The following MAGI2 variants were observed in gnomAD, a reference collection of about 807,000 sequenced individuals.
MAGI2 encodes the protein membrane-associated guanylate kinase, WW and PDZ domain-containing protein 2.
In MAGI2, 35 loss-of-function variants were observed where a neutral mutation model predicts 133.3. The ratio of observed to expected loss-of-function variants is 0.26; its 90% CI spans 0.20 to 0.35. The LOEUF (loss-of-function observed/expected upper bound fraction) is 0.35. MAGI2 is among the 10% of genes least tolerant of loss of function. The pLI is 1.00. For synonymous variants in MAGI2, 729 were observed against 710.6 expected (o/e 1.03, Z -0.41); for missense variants, 1,636 against 1,863.4 (o/e 0.88, Z 2.25).
At chr7:78,813,659 G>A (rs1395432967) in intron 2 of MAGI2, among the ~76,000 whole-genome samples, 2 of 151,926 alleles carry the variant, frequency 1.3e-5, no homozygotes, top group African/African-American at 4.8e-5. Flanking sequence ...GGTGGCGGGC[G>A]CCTGTGGTCC....
At chr7:78,807,995 A>G (rs901326780) in intron 2 of MAGI2, among the ~76,000 whole-genome samples, 1 of 152,104 alleles carries the variant, frequency 6.6e-6, no homozygotes, top group Non-Finnish European at 1.5e-5. Context: ...GCTACTGACT[A>G]TTGTGGTTTA....
chr7:78,538,108 A>G (rs762681047), intron 3 of MAGI2, among the ~76,000 whole-genome samples: 1 of 151,862 alleles, frequency 6.6e-6, no homozygotes, highest in Non-Finnish European at 1.5e-5. Flanking sequence ...GTATGTTTTC[A>G]TTTGCTTTGT....
At chr7:79,315,244 C>T (rs993371523) in intron 1 of MAGI2, among the ~76,000 whole-genome samples, 14 of 150,628 alleles carry the variant, frequency 9.3e-5, no homozygotes, top group African/African-American at 3.4e-4. Context: ...CTGCAACCTA[C>T]ACCTCTTGGG....
At chr7:78,532,776 C>G (rs1333904557) in intron 3 of MAGI2, among the ~76,000 whole-genome samples, 2 of 152,122 alleles carry the variant, frequency 1.3e-5, no homozygotes, top group African/African-American at 4.8e-5. Flanking sequence ...TTTTCTTTAG[C>G]CTTTTGGCAT....
intron 1 of MAGI2, among the ~76,000 whole-genome samples, chr7:79,432,783 A>C (rs753583264): frequency 3.9e-5 from 6 of 152,196 alleles, no homozygotes; most frequent in Non-Finnish European, 7.3e-5. Flanking sequence ...GAGGTGTGCG[A>C]TGGTGATGAT....
intron 13 of MAGI2, among the ~76,000 whole-genome samples, chr7:78,181,592 T>C (rs1584292605): frequency 2.6e-5 from 4 of 152,286 alleles, no homozygotes; most frequent in Admixed American, 2.6e-4. Flanking sequence ...TGTTGCTTCT[T>C]AGAAGTTGGG....
intron 2 of MAGI2, chr7:78,940,755 G>C (rs1184938681): frequency 2.0e-5 from 3 of 152,112 alleles, no homozygotes; most frequent in African/African-American, 7.2e-5. Flanking sequence ...TGTGGCACAA[G>C]AATTAAGCCA....
At chr7:78,626,823 T>A (rs1480706704) in intron 3 of MAGI2, among the ~76,000 whole-genome samples, 1 of 67,422 alleles carries the variant, frequency 1.5e-5, no homozygotes, top group African/African-American at 7.6e-5. Context: ...CAAGAATACT[T>A]CAATGTGTGT....
rs763791087 is a variant in MAGI2 at position 79,453,084 on chromosome 7, G to C, written c.237C>G (p.Ile79Met). The stretch of plus-strand genomic sequence containing the variant: ...GTTTGATCACGGCCAGCACGTCCCT[G>C]ATGGTGAGCCCCGCCACGGGGGTCT... ...VNETPVAGLT[I>M]RDVLAVIKHC... The change falls in exon 1 of 22, where the codon ATC (isoleucine) becomes ATG (methionine). Residue 79 changes from isoleucine to methionine, a missense_variant. Physicochemically the swap from Ile to Met is conservative, Grantham distance 10. Coordinates refer to ENST00000354212, the MANE Select transcript of MAGI2 (RefSeq NM_012301.4). 17 of 1,613,484 alleles carry C rather than the reference G, an allele frequency of 1.1e-5. No homozygotes were observed. In the South Asian group the frequency reaches 1.9e-4, roughly 18 times the overall value.
intron 10 of MAGI2, among the ~76,000 whole-genome samples, chr7:78,219,379 T>G (rs560669952): frequency 1.3e-5 from 2 of 152,192 alleles, no homozygotes; most frequent in Non-Finnish European, 2.9e-5. Flanking sequence ...GCACTGTCTA[T>G]CTGGACAGCT....
intron 2 of MAGI2, among the ~76,000 whole-genome samples, chr7:78,953,218 A>T (rs544602369): frequency 1.3e-5 from 2 of 152,228 alleles, no homozygotes; most frequent in South Asian, 2.1e-4. Flanking sequence ...TCAAAAAACA[A>T]TTTTCTTTCT....
chr7:79,034,792 T>C (rs1810958681), intron 1 of MAGI2, among the ~76,000 whole-genome samples: 1 of 152,184 alleles, frequency 6.6e-6, no homozygotes, highest in Non-Finnish European at 1.5e-5. Flanking sequence ...TTCGTCAAGG[T>C]AGAAATCTGC....
intron 20 of MAGI2, among the ~76,000 whole-genome samples, chr7:78,091,134 G>T (rs1434476572): frequency 6.6e-6 from 1 of 151,974 alleles, no homozygotes; most frequent in Admixed American, 6.6e-5. Context: ...AATGATTTGG[G>T]GGTAAATTAA....
chr7:78,726,775 A>G (rs1820854603), intron 2 of MAGI2, among the ~76,000 whole-genome samples: 1 of 152,238 alleles, frequency 6.6e-6, no homozygotes, highest in Admixed American at 6.5e-5. Flanking sequence ...ATTGCTACAA[A>G]TTATGAAACA....
chr7:79,278,130 T>C (rs1332267072), intron 1 of MAGI2, among the ~76,000 whole-genome samples: 1 of 152,066 alleles, frequency 6.6e-6, no homozygotes, highest in Non-Finnish European at 1.5e-5. Context: ...CTTTGCACCA[T>C]CTCCTTGGTG....
intron 1 of MAGI2, among the ~76,000 whole-genome samples, chr7:79,422,088 A>T (rs1251943627): frequency 6.6e-6 from 1 of 152,066 alleles, no homozygotes; most frequent in African/African-American, 2.4e-5. Context: ...GGCAGGACCA[A>T]TCACACTAAA....
chr7:79,305,714 C>A (rs1837731281), intron 1 of MAGI2, among the ~76,000 whole-genome samples: 1 of 151,870 alleles, frequency 6.6e-6, no homozygotes, highest in Admixed American at 6.6e-5. Flanking sequence ...TTGAGACCTG[C>A]CTAGACAAAA....
Position 79,388,860 on chromosome 7 carries a change from C to G in MAGI2, c.301+64160G>C, listed in dbSNP as rs903004493. ...GTAGTCATTAAAAAAAAAAAAAACA[C>G]AGTCTTGACCCAAAGCTGGGTATGA... is the stretch of plus-strand genomic sequence containing the variant. On this transcript the variant is annotated intron_variant, in intron 1 of 21. Coordinates refer to ENST00000354212, the MANE Select transcript of MAGI2 (RefSeq NM_012301.4). Among the ~76,000 whole-genome samples the G allele has an allele frequency of 4.4e-4, 64 of 144,156 alleles. 1 individual carries two copies. Among genetic ancestry groups the G allele is most frequent in the Admixed American group, 4.0e-3 (58 of 14,462 alleles). The allele number at this position is 144,156 out of a possible 152,430, so 94.6% of individuals were successfully genotyped here.
At chr7:78,774,198 T>G (rs1168723378) in intron 2 of MAGI2, among the ~76,000 whole-genome samples, 1 of 152,194 alleles carries the variant, frequency 6.6e-6, no homozygotes, top group African/African-American at 2.4e-5. Context: ...GAAACATTGT[T>G]GATTTTAATC....
Sources: allele counts gnomAD v4.1 joint callset (sites outside exome capture counted in the v4.1 genomes callset), GRCh38; gene constraint gnomAD v4.1.1; transcripts MANE v1.5; gene names NCBI Gene and HGNC (gene_info 2026-07-23, HGNC 2026-07-21).